Variants in ULK4 observed in about 807,000 individuals in gnomAD.
ULK4 encodes unc-51 like kinase 4.
A neutral mutation model predicts 160.6 loss-of-function variants in ULK4; 133 were observed. That is an observed-to-expected ratio of 0.83 (90% CI 0.72 to 0.96). The LOEUF (loss-of-function observed/expected upper bound fraction) is 0.96. Ranked by LOEUF, ULK4 falls within the 40% of genes least tolerant of loss-of-function variation. The probability of loss-of-function intolerance (pLI) is 0.00; values close to 1 mark genes in which losing one functional copy is unlikely to be tolerated. For synonymous variants in ULK4, 534 were observed against 539.8 expected (o/e 0.99, Z 0.15); for missense variants, 1,580 against 1,499.5 (o/e 1.05, Z -0.89).
Position 41,953,021 on chromosome 3 carries a change from T to C in ULK4, c.138+1601A>G, listed in dbSNP as rs566635227. ...ACCACAGAGACAAAAAGTAGAATGA[T>C]AGTTGCCAAAAGCTGGAGAAGGAGA... On this transcript the variant is annotated intron_variant, in intron 2 of 36. Coordinates refer to ENST00000301831, the MANE Select transcript of ULK4 (RefSeq NM_017886.4). 9.9e-5 allele frequency among the ~76,000 whole-genome samples: 15 copies of C among 151,852 alleles called. No homozygotes were observed. In the South Asian group the frequency reaches 2.7e-3, roughly 28 times the overall value.
At chr3:41,378,211 C>T (rs1240290209) in intron 35 of ULK4, among the ~76,000 whole-genome samples, 4 of 100,470 alleles carry the variant, frequency 4.0e-5, no homozygotes, top group East Asian at 2.8e-4. Flanking sequence ...ACATCACACT[C>T]GGGGGACTGT....
At chr3:41,439,116 A>C (rs1308983541) in intron 34 of ULK4, among the ~76,000 whole-genome samples, 2 of 152,200 alleles carry the variant, frequency 1.3e-5, no homozygotes, top group Non-Finnish European at 2.9e-5. Flanking sequence ...GAGACAGAAG[A>C]AGCTTTTCCA....
intron 34 of ULK4, among the ~76,000 whole-genome samples, chr3:41,420,468 G>GTT (rs1559588075): frequency 1.1e-5 from 1 of 90,046 alleles, no homozygotes; most frequent in African/African-American, 4.6e-5. Flanking sequence ...CAGTTTTCCA[G>GTT]TTCTTTCTTT....
At chr3:41,779,869 A>C (rs1302335111) in intron 21 of ULK4, among the ~76,000 whole-genome samples, 1 of 88,110 alleles carries the variant, frequency 1.1e-5, no homozygotes, top group African/African-American at 4.7e-5. Context: ...TAGCATTGGG[A>C]GATATACCTA....
chr3:41,390,186 T>C (rs537939416), intron 35 of ULK4, among the ~76,000 whole-genome samples: 1 of 152,210 alleles, frequency 6.6e-6, no homozygotes, highest in Non-Finnish European at 1.5e-5. Context: ...TCTCTGATTG[T>C]AGTTTGTATT....
At chr3:41,517,885 T>A (rs1381551733) in intron 32 of ULK4, among the ~76,000 whole-genome samples, 1 of 152,198 alleles carries the variant, frequency 6.6e-6, no homozygotes, top group Non-Finnish European at 1.5e-5. Context: ...ATTGTGTAAT[T>A]AAAGGCAATG....
Position 41,420,324 on chromosome 3 carries a change from T to C in ULK4, c.3493-22060A>G, listed in dbSNP as rs2082630572. 2.0e-5 allele frequency among the ~76,000 whole-genome samples: 3 copies of C among 152,050 alleles called. No individual in the cohort carries two copies. The South Asian group carries it at 6.2e-4, about 32-fold the overall frequency. On this transcript the variant is annotated intron_variant, in intron 34 of 36. Coordinates refer to ENST00000301831, the MANE Select transcript of ULK4 (RefSeq NM_017886.4). ...GGTACCTGGCACATCTGTGATTTCA[T>C]TTACATCATATTTTATGTTTTCAAA...
chr3:41,623,949 A>G (rs2033372980), intron 30 of ULK4, among the ~76,000 whole-genome samples: 1 of 152,226 alleles, frequency 6.6e-6, no homozygotes. Flanking sequence ...ACACAATTAT[A>G]ATTGTCAGTT....
At chr3:41,371,550 G>C (rs1440151240) in intron 35 of ULK4, among the ~76,000 whole-genome samples, 1 of 152,202 alleles carries the variant, frequency 6.6e-6, no homozygotes, top group African/African-American at 2.4e-5. Context: ...GAGCAGAAGA[G>C]AAGCCTGACT....
intron 35 of ULK4, among the ~76,000 whole-genome samples, chr3:41,307,947 C>G (rs1217201753): frequency 6.6e-6 from 1 of 152,128 alleles, no homozygotes; most frequent in Admixed American, 6.5e-5. Flanking sequence ...TGCCTCAGAA[C>G]ATGCCCATTT....
chr3:41,361,564 G>A (rs1172655814), intron 35 of ULK4, among the ~76,000 whole-genome samples: 1 of 152,094 alleles, frequency 6.6e-6, no homozygotes, highest in African/African-American at 2.4e-5. Flanking sequence ...ACAGTTAAAA[G>A]TACATCATTT....
intron 22 of ULK4, among the ~76,000 whole-genome samples, chr3:41,725,275 T>C (rs937104508): frequency 2.6e-5 from 4 of 152,340 alleles, no homozygotes; most frequent in African/African-American, 4.8e-5. Context: ...TCTACCTGTA[T>C]TGATCTTTGG....
chr3:41,300,798 C>A (rs1305273079), intron 35 of ULK4, among the ~76,000 whole-genome samples: 1 of 136,278 alleles, frequency 7.3e-6, no homozygotes, highest in Non-Finnish European at 1.5e-5. Context: ...AGTTAATTTT[C>A]TCTTCTCTCT....
At chr3:41,581,905 G>C (rs1463604669) in intron 31 of ULK4, among the ~76,000 whole-genome samples, 1 of 152,206 alleles carries the variant, frequency 6.6e-6, no homozygotes, top group Non-Finnish European at 1.5e-5. Context: ...CAGATGAGAT[G>C]AGACAAAGGT....
intron 27 of ULK4, among the ~76,000 whole-genome samples, chr3:41,692,911 T>G (rs2036358949): frequency 6.6e-6 from 1 of 152,232 alleles, no homozygotes; most frequent in African/African-American, 2.4e-5. Flanking sequence ...TGTCAGTTTC[T>G]CTGCATGTTA....
intron 35 of ULK4, among the ~76,000 whole-genome samples, chr3:41,332,186 C>T (rs17055760): frequency 0.24 from 36,564 of 150,260 alleles, 4,627 homozygotes; most frequent in African/African-American, 0.3. Context: ...CTCTAATAAG[C>T]AGAGATTCTC....
intron 25 of ULK4, among the ~76,000 whole-genome samples, chr3:41,713,784 AAGG>A (rs961417952): frequency 6.6e-6 from 1 of 152,214 alleles, no homozygotes; most frequent in African/African-American, 2.4e-5. Flanking sequence ...ACAGAATTAC[AAGG>A]AGCAGACGAG....
chr3:41,442,368 T>G (rs924243365), intron 34 of ULK4, among the ~76,000 whole-genome samples: 2 of 152,112 alleles, frequency 1.3e-5, no homozygotes, highest in African/African-American at 4.8e-5. Context: ...CGCAGATGAT[T>G]TAAAGAAGAA....
At chr3:41,324,053 T>C (rs2080297302) in intron 35 of ULK4, among the ~76,000 whole-genome samples, 1 of 152,176 alleles carries the variant, frequency 6.6e-6, no homozygotes, top group Non-Finnish European at 1.5e-5. Flanking sequence ...GGAAGCCAGG[T>C]CAGCCCAAGC....
Sources: allele counts gnomAD v4.1 joint callset (sites outside exome capture counted in the v4.1 genomes callset), GRCh38; gene constraint gnomAD v4.1.1; transcripts MANE v1.5; gene names NCBI Gene and HGNC (gene_info 2026-07-23, HGNC 2026-07-21).